The following CLMN variants were observed in gnomAD, a reference collection of about 807,000 sequenced individuals.
CLMN encodes calmin (calponin-like, transmembrane).
CLMN carries 57 observed loss-of-function variants against 92.7 expected under a neutral mutation model. The observed-to-expected ratio is 0.61, with a 90% CI of 0.50 to 0.77. The LOEUF (loss-of-function observed/expected upper bound fraction) is 0.77, where lower values mean the gene tolerates loss of function less well. CLMN is among the 30% of genes least tolerant of loss of function. The probability of loss-of-function intolerance (pLI) is 0.00; values close to 1 mark genes in which losing one functional copy is unlikely to be tolerated. For missense variants in CLMN, 1,158 were observed against 1,237.5 expected (o/e 0.94, Z 0.96); for synonymous variants, 466 against 470.6 (o/e 0.99, Z 0.13).
intron 6 of CLMN, among the ~76,000 whole-genome samples, chr14:95,211,305 G>A (rs1897190086): frequency 6.6e-6 from 1 of 152,196 alleles, no homozygotes. Flanking sequence ...ACCTCTCTGA[G>A]CCTCAAACTC....
intron 3 of CLMN, 79 bp downstream of exon 3, chr14:95,223,681 T>G: frequency 9.4e-7 from 1 of 1,068,340 alleles, no homozygotes; most frequent in Non-Finnish European, 1.4e-6. Context: ...TATGTCCAGG[T>G]ATTTGTGTTG....
chr14:95,279,971 TG>T (rs1595089940), intron 1 of CLMN, among the ~76,000 whole-genome samples: 1 of 130,706 alleles, frequency 7.7e-6, no homozygotes, highest in Admixed American at 7.3e-5. Flanking sequence ...AATATGTTGT[TG>T]TTTTTTTTTT....
chr14:95,214,018 C>G (rs561105328), intron 5 of CLMN, among the ~76,000 whole-genome samples: 1 of 152,124 alleles, frequency 6.6e-6, no homozygotes, highest in East Asian at 1.9e-4. Context: ...GCTCTGGTGT[C>G]ACTTCTTCCA....
At chr14:95,247,062 C>T (rs940498580) in intron 1 of CLMN, among the ~76,000 whole-genome samples, 4 of 152,152 alleles carry the variant, frequency 2.6e-5, no homozygotes, top group Admixed American at 6.5e-5. Flanking sequence ...AATTCACAGG[C>T]CAGAACCATG....
intron 1 of CLMN, among the ~76,000 whole-genome samples, chr14:95,272,453 A>G (rs1428308983): frequency 6.6e-6 from 1 of 152,228 alleles, no homozygotes; most frequent in Non-Finnish European, 1.5e-5. Flanking sequence ...CACATGCTCA[A>G]CAGGCTTCTC....
At chr14:95,310,521 A>G (rs1901486843) in intron 1 of CLMN, among the ~76,000 whole-genome samples, 1 of 152,048 alleles carries the variant, frequency 6.6e-6, no homozygotes, top group Non-Finnish European at 1.5e-5. Context: ...GGACATATTC[A>G]CCCGTTTGGG....
chr14:95,288,382 G>A (rs1566915044), intron 1 of CLMN, among the ~76,000 whole-genome samples: 1 of 152,216 alleles, frequency 6.6e-6, no homozygotes, highest in Non-Finnish European at 1.5e-5. Context: ...GTGAGCCAGT[G>A]AGAAGGCAGG....
chr14:95,193,246 T>A, intron 12 of CLMN: 1 of 1,012,738 alleles, frequency 9.9e-7, no homozygotes, highest in East Asian at 2.6e-5. Flanking sequence ...GTTTCCTATG[T>A]TTTAAATGGG....
At chr14:95,218,657 T>C (rs965048943) in intron 4 of CLMN, among the ~76,000 whole-genome samples, 1 of 152,244 alleles carries the variant, frequency 6.6e-6, no homozygotes, top group Non-Finnish European at 1.5e-5. Context: ...AGTCTGCATC[T>C]GAAACGCTCG....
intron 1 of CLMN, among the ~76,000 whole-genome samples, chr14:95,295,694 T>C (rs951902771): frequency 6.6e-6 from 1 of 152,208 alleles, no homozygotes; most frequent in Non-Finnish European, 1.5e-5. Flanking sequence ...AGTGTTCTCA[T>C]GTTGACCAAA....
Position 95,194,005 on chromosome 14 carries a change from C to G in CLMN, c.2770-86G>C. On this transcript the variant is annotated intron_variant, in intron 11 of 12. Transcript: ENST00000298912. The surrounding 1 kb of genome is among the most constrained non-coding windows in gnomAD (Gnocchi z 4.0). Reference sequence around the variant, plus strand: ...AAACAGAAGATAAAACGATTTTAAACACACAAAGCCGAGCATGCCGGGCAT... The same window carrying G: ...AAACAGAAGATAAAACGATTTTAAAGACACAAAGCCGAGCATGCCGGGCAT... 6.4e-7 allele frequency: 1 copy of G among 1,565,882 alleles called. No homozygotes were observed. The highest frequency in any genetic ancestry group is 1.2e-5 in the South Asian group (1 of 84,300).
intron 2 of CLMN, among the ~76,000 whole-genome samples, chr14:95,228,824 G>A (rs1195057288): frequency 6.6e-6 from 1 of 152,156 alleles, no homozygotes. Context: ...ACGGGCATGA[G>A]CCACCACGCC....
intron 6 of CLMN, 102 bp downstream of exon 6, chr14:95,213,117 G>A: frequency 1.6e-6 from 2 of 1,250,650 alleles, no homozygotes; most frequent in Non-Finnish European, 2.3e-6. Flanking sequence ...GAAGCAATGG[G>A]CACATACATA....
Position 95,191,686 on chromosome 14 carries a change from G to A in CLMN, c.2887C>T (p.Pro963Ser). The change falls in exon 13 of 13, where the codon CCG becomes TCG. Residue 963 changes from proline (P) to serine (S), a missense_variant. By Grantham distance (74) the Pro-to-Ser change is moderately conservative. Transcript: ENST00000298912. The surrounding 1 kb of genome is among the most constrained non-coding windows in gnomAD (Gnocchi z 5.3). The stretch of plus-strand genomic sequence containing the variant: ...AGCTGTGTCAGGGAGTCACTCTGCG[G>A]GCTGTGGCTCCCCAGTGACATGGCT... The part of the protein sequence containing the change: ...GEAMSLGSHS[P>S]QSDSLTQLVQ... The A allele has an allele frequency of 6.2e-7, 1 of 1,613,012 alleles. No individual in the cohort carries two copies. The highest frequency in any genetic ancestry group is 1.7e-5 in the Admixed American group (1 of 59,996).
rs116652448 is a variant in CLMN, at chr14:95,257,053, C to A, written c.83-26920G>T. 4.9e-3 allele frequency among the ~76,000 whole-genome samples: 747 copies of A among 152,260 alleles called. 3 individuals carry two copies. Among genetic ancestry groups the A allele is most frequent in the African/African-American group, 0.017 (709 of 41,510 alleles). ...AGGGAGAGGCGCTTTGATGAGACAGCCTTAAATGCCACCCAGGGGTTTCTT... is the reference window on the plus strand; with the variant it reads ...AGGGAGAGGCGCTTTGATGAGACAGACTTAAATGCCACCCAGGGGTTTCTT... On this transcript the variant is annotated intron_variant, in intron 1 of 12. Transcript: ENST00000298912.
Position 95,283,469 on chromosome 14 carries a change from G to C in CLMN, c.82+36242C>G, listed in dbSNP as rs566587470. ...AAAACGTGGAAGCGACTTTGGAACT[G>C]GGTAACAGGCAGAGGTTGGAACAGT... On this transcript the variant is annotated intron_variant, in intron 1 of 12. Coordinates refer to ENST00000298912, the MANE Select transcript of CLMN (RefSeq NM_024734.4). Among the ~76,000 whole-genome samples the C allele has an allele frequency of 2.6e-5, 4 of 152,324 alleles. No individual in the cohort carries two copies. The East Asian group carries it at 7.7e-4, about 29-fold the overall frequency.
intron 1 of CLMN, among the ~76,000 whole-genome samples, chr14:95,245,210 A>ATAT: frequency 4.1e-5 from 1 of 24,176 alleles, no homozygotes; most frequent in South Asian, 1.5e-3. Context: ...TATATATATT[A>ATAT]TATATATATA....
chr14:95,245,239 T>TTATATATATATA (rs1898479201), intron 1 of CLMN, among the ~76,000 whole-genome samples: 2 of 21,574 alleles, frequency 9.3e-5, no homozygotes, highest in Admixed American at 6.5e-4. Flanking sequence ...ATATATATAT[T>TTATATATATATA]ATATATATAT....
intron 4 of CLMN, among the ~76,000 whole-genome samples, chr14:95,216,064 C>A (rs1897336040): frequency 6.6e-6 from 1 of 152,150 alleles, no homozygotes; most frequent in Non-Finnish European, 1.5e-5. Context: ...AAAGATACTA[C>A]CTGAGACTGA....
Sources: gnomAD v4.1 joint callset for allele counts (sites outside exome capture counted in the v4.1 genomes callset) on GRCh38, gnomAD v4.1.1 for gene constraint, Gnocchi (gnomAD v3.1) non-coding constraint, MANE v1.5 for transcripts, NCBI Gene and HGNC (gene_info 2026-07-23, HGNC 2026-07-21) for gene names.